Variants in SNTG2 observed in about 807,000 individuals in gnomAD.
SNTG2 encodes syntrophin gamma 2.
Under a neutral mutation model 70.9 loss-of-function variants are expected in SNTG2, and 74 were observed. That is an observed-to-expected ratio of 1.04 (90% CI 0.86 to 1.27). The LOEUF is 1.27. SNTG2 is among the 50% of genes most tolerant of loss of function. The probability of loss-of-function intolerance (pLI) is 0.00; values close to 1 mark genes in which losing one functional copy is unlikely to be tolerated. For synonymous variants in SNTG2, 278 were observed against 273.8 expected, an observed-to-expected ratio of 1.02 and a Z score of -0.15; for missense variants, 717 against 690.7, an observed-to-expected ratio of 1.04 and a Z score of -0.43.
intron 1 of SNTG2, among the ~76,000 whole-genome samples, chr2:993,710 T>A (rs1572201606): frequency 6.6e-6 from 1 of 152,294 alleles, no homozygotes; most frequent in Non-Finnish European, 1.5e-5. Context: ...TATTTTTTTT[T>A]AATTAAAATC....
At chr2:1,365,229 G>A (rs1361448318) in intron 16 of SNTG2, among the ~76,000 whole-genome samples, 2 of 152,178 alleles carry the variant, frequency 1.3e-5, no homozygotes, top group African/African-American at 4.8e-5. Context: ...TTCCACTCAT[G>A]ACCAGAGTGA....
At chr2:1,173,308 G>A (rs1671253352) in intron 8 of SNTG2, 125 bp downstream of exon 8, 3 of 891,078 alleles carry the variant, frequency 3.4e-6, no homozygotes, top group Admixed American at 2.3e-5. Flanking sequence ...AGTTTCAGAG[G>A]AAATACTTAG....
intron 11 of SNTG2, among the ~76,000 whole-genome samples, chr2:1,240,899 A>G (rs751400344): frequency 5.9e-5 from 9 of 152,214 alleles, no homozygotes; most frequent in Admixed American, 1.3e-4. Flanking sequence ...AAATTAATAT[A>G]GGATTCATTT....
chr2:1,183,432 A>C (rs1252652390), intron 8 of SNTG2, among the ~76,000 whole-genome samples: 1 of 152,208 alleles, frequency 6.6e-6, no homozygotes, highest in Non-Finnish European at 1.5e-5. Context: ...CCTACTCGGC[A>C]GTTTTTCAAA....
At chr2:1,336,002 C>T (rs1034898482) in intron 16 of SNTG2, among the ~76,000 whole-genome samples, 4 of 152,004 alleles carry the variant, frequency 2.6e-5, no homozygotes, top group Non-Finnish European at 5.9e-5. Context: ...TGGAAGGGAC[C>T]GTCCCCATTA....
intron 4 of SNTG2, among the ~76,000 whole-genome samples, chr2:1,104,739 G>A (rs1361792470): frequency 6.6e-6 from 1 of 152,180 alleles, no homozygotes; most frequent in Non-Finnish European, 1.5e-5. Context: ...TCAGCTTACG[G>A]TGGTTTGAGT....
intron 16 of SNTG2, among the ~76,000 whole-genome samples, chr2:1,362,102 A>G (rs1447161244): frequency 5.3e-5 from 8 of 152,196 alleles, no homozygotes; most frequent in Admixed American, 5.2e-4. Flanking sequence ...AACTTCCATG[A>G]AAGTCACTGA....
rs139152499 is a variant in SNTG2 at position 1,292,880 on chromosome 2, T to G, written c.1285-15614T>G. Among the ~76,000 whole-genome samples the G allele has an allele frequency of 4.5e-3, 683 of 152,292 alleles. 7 individuals are homozygous for G. Among genetic ancestry groups the G allele is most frequent in the African/African-American group, 0.015 (642 of 41,562 alleles). On this transcript the variant is annotated intron_variant, in intron 14 of 16. Transcript: ENST00000308624. The stretch of plus-strand genomic sequence containing the variant: ...CTCATAGAATGACTGGGAAAGTATA[T>G]CCTTCTCTTCAGGTTTTTAGAAGTG...
chr2:1,099,043 A>T (rs528721766), intron 4 of SNTG2, among the ~76,000 whole-genome samples: 1 of 152,314 alleles, frequency 6.6e-6, no homozygotes, highest in South Asian at 2.1e-4. Context: ...ACTGTTTCTC[A>T]TACAATTCGA....
At chr2:1,123,631 G>A (rs918022171) in intron 4 of SNTG2, among the ~76,000 whole-genome samples, 6 of 152,184 alleles carry the variant, frequency 3.9e-5, no homozygotes, top group East Asian at 1.9e-4. Flanking sequence ...AGAAGAGCTC[G>A]TTGATATTGG....
chr2:1,314,641 A>G (rs13011951), intron 15 of SNTG2, among the ~76,000 whole-genome samples: 14,747 of 152,208 alleles, frequency 0.097, 718 homozygotes, highest in Middle Eastern at 0.13. Flanking sequence ...GAATGGATAC[A>G]CATGCTTCAC....
chr2:1,065,330 C>G (rs947418902), intron 1 of SNTG2, among the ~76,000 whole-genome samples: 2 of 152,122 alleles, frequency 1.3e-5, no homozygotes, highest in African/African-American at 4.8e-5. Context: ...AGTTAATTGT[C>G]TAAACCATAA....
intron 4 of SNTG2, among the ~76,000 whole-genome samples, chr2:1,099,868 A>G (rs78972061): frequency 0.012 from 1,847 of 152,312 alleles, 34 homozygotes; most frequent in African/African-American, 0.041. Flanking sequence ...TTTTCGGCAG[A>G]AGGACATTTA....
At chr2:1,189,826 C>T (rs964663367) in intron 8 of SNTG2, among the ~76,000 whole-genome samples, 14 of 152,038 alleles carry the variant, frequency 9.2e-5, no homozygotes, top group African/African-American at 2.9e-4. Flanking sequence ...GGATTACAGG[C>T]GTGAGCCACC....
chr2:1,026,212 C>T (rs1179617906), intron 1 of SNTG2, among the ~76,000 whole-genome samples: 1 of 152,154 alleles, frequency 6.6e-6, no homozygotes, highest in Non-Finnish European at 1.5e-5. Context: ...GATGCAGACA[C>T]GTGTCTTTTA....
At chr2:1,054,953 G>GTTTTTT (rs200083935) in intron 1 of SNTG2, among the ~76,000 whole-genome samples, 1 of 150,294 alleles carries the variant, frequency 6.7e-6, no homozygotes, top group South Asian at 2.1e-4. Context: ...TTTTGTTTTT[G>GTTTTTT]TTTTTTTTTC....
intron 1 of SNTG2, among the ~76,000 whole-genome samples, chr2:976,304 G>C (rs1660904601): frequency 6.6e-6 from 1 of 152,154 alleles, no homozygotes; most frequent in Admixed American, 6.5e-5. Context: ...GAGTTGTGAA[G>C]GTTTGAAGCT....
chr2:1,050,552 T>G (rs1661998490), intron 1 of SNTG2, among the ~76,000 whole-genome samples: 1 of 152,224 alleles, frequency 6.6e-6, no homozygotes, highest in Non-Finnish European at 1.5e-5. Flanking sequence ...TTCTATTGAT[T>G]GAATTGCTCT....
intron 14 of SNTG2, among the ~76,000 whole-genome samples, chr2:1,286,742 A>G (rs1679781755): frequency 6.6e-6 from 1 of 152,170 alleles, no homozygotes; most frequent in Non-Finnish European, 1.5e-5. Context: ...ACCCCGAGGA[A>G]TGGTGCCATA....
Sources: gnomAD v4.1 joint callset for allele counts (sites outside exome capture counted in the v4.1 genomes callset) on GRCh38, gnomAD v4.1.1 for gene constraint, MANE v1.5 for transcripts, NCBI Gene and HGNC (gene_info 2026-07-23, HGNC 2026-07-21) for gene names.